The following GRM8 variants were observed in gnomAD, a reference collection of about 807,000 sequenced individuals.
GRM8 encodes the protein glutamate metabotropic receptor 8.
Under a neutral mutation model 87.2 loss-of-function variants are expected in GRM8, and 47 were observed. That is an observed-to-expected ratio of 0.54 (90% CI 0.43 to 0.69). The LOEUF (loss-of-function observed/expected upper bound fraction) is 0.69. Among genes scored for constraint, GRM8 ranks in the 30% least tolerant of loss-of-function variants. The probability of loss-of-function intolerance (pLI) is 0.00; values close to 1 mark genes in which losing one functional copy is unlikely to be tolerated. For missense variants in GRM8, 1,019 were observed against 1,139.2 expected, an observed-to-expected ratio of 0.89 and a Z score of 1.52; for synonymous variants, 396 against 404.5, an observed-to-expected ratio of 0.98 and a Z score of 0.25.
intron 7 of GRM8, among the ~76,000 whole-genome samples, chr7:126,725,894 G>A (rs1413678433): frequency 6.6e-6 from 1 of 152,118 alleles, no homozygotes; most frequent in Non-Finnish European, 1.5e-5. Flanking sequence ...GTGAACTCAA[G>A]AGCGAGAGCT....
At chr7:126,992,806 C>CGT (rs34876222) in intron 3 of GRM8, among the ~76,000 whole-genome samples, 3,208 of 147,352 alleles carry the variant, frequency 0.022, 83 homozygotes, top group East Asian at 0.1. Flanking sequence ...TCTCTCTCTC[C>CGT]GTGTGTGTGT....
At chr7:126,878,702 A>G (rs549801014) in intron 6 of GRM8, among the ~76,000 whole-genome samples, 1 of 151,886 alleles carries the variant, frequency 6.6e-6, no homozygotes, top group East Asian at 2.0e-4. Context: ...TTGTGCTTTT[A>G]GCAGAGATGG....
At chr7:126,535,508 G>C (rs905934647) in intron 8 of GRM8, among the ~76,000 whole-genome samples, 1 of 152,208 alleles carries the variant, frequency 6.6e-6, no homozygotes, top group Non-Finnish European at 1.5e-5. Flanking sequence ...CAGAGCAGGA[G>C]CAGCAGGCAG....
At position 126,927,729 on chromosome 7, in the gene GRM8, G is replaced by A. The variant is rs1586486946; in HGVS notation, c.728-23046C>T. On this transcript the variant is annotated intron_variant, in intron 3 of 10. Coordinates refer to ENST00000339582, the MANE Select transcript of GRM8 (RefSeq NM_000845.3). Reference sequence around the variant, plus strand: ...AAGTCAAGAAACAACAGATGCTGGAGAGGATGTGGAGAAATAGGAACACTT... The same window carrying A: ...AAGTCAAGAAACAACAGATGCTGGAAAGGATGTGGAGAAATAGGAACACTT... Among the ~76,000 whole-genome samples, 3 of 152,302 alleles carry A rather than the reference G, an allele frequency of 2.0e-5. 1 individual carries two copies. Among genetic ancestry groups the A allele is most frequent in the South Asian group, 4.1e-4 (2 of 4,826 alleles).
chr7:127,177,244 C>A (rs1794165208), intron 2 of GRM8, among the ~76,000 whole-genome samples: 1 of 152,130 alleles, frequency 6.6e-6, no homozygotes, highest in South Asian at 2.1e-4. Flanking sequence ...ATTTCCCTGA[C>A]AACCTGCATG....
At chr7:126,654,995 T>C (rs1208872915) in intron 7 of GRM8, among the ~76,000 whole-genome samples, 1 of 152,134 alleles carries the variant, frequency 6.6e-6, no homozygotes, top group Admixed American at 6.5e-5. Context: ...AGGAAATGTC[T>C]CTGGCAAATG....
Position 126,730,927 on chromosome 7 carries a change from T to A in GRM8, c.1357+38938A>T, listed in dbSNP as rs568725851. ...AAATTCTCTTTTCGATAAATCTGTA[T>A]AACATCTCTTTTCTCGAATATAATT... On this transcript the variant is annotated intron_variant, in intron 7 of 10. Transcript: ENST00000339582. Among the ~76,000 whole-genome samples the A allele has an allele frequency of 3.5e-4, 54 of 152,260 alleles. 1 individual carries two copies. In the South Asian group the frequency reaches 8.3e-3, roughly 23 times the overall value.
chr7:126,868,648 GT>G (rs1446443214), intron 6 of GRM8: 2 of 152,174 alleles, frequency 1.3e-5, no homozygotes, highest in African/African-American at 4.8e-5. Context: ...GAAATTTTTG[GT>G]TTCCCAGTAT....
intron 3 of GRM8, among the ~76,000 whole-genome samples, chr7:127,025,172 T>C (rs1816654900): frequency 6.6e-6 from 1 of 152,038 alleles, no homozygotes; most frequent in East Asian, 1.9e-4. Context: ...TTTTAAAATA[T>C]CCATCTCAAA....
At chr7:126,784,065 T>A (rs145073294) in intron 6 of GRM8, among the ~76,000 whole-genome samples, 421 of 152,286 alleles carry the variant, frequency 2.8e-3, no homozygotes, top group Non-Finnish European at 4.5e-3. Flanking sequence ...TCCTTCAACA[T>A]TACATATAAG....
intron 8 of GRM8, among the ~76,000 whole-genome samples, chr7:126,565,348 AAT>A (rs1562960437): frequency 6.6e-6 from 1 of 152,210 alleles, no homozygotes; most frequent in Non-Finnish European, 1.5e-5. Flanking sequence ...AAACAAATTC[AAT>A]AGAGTTAAAT....
chr7:126,525,743 C>G (rs1213942173), intron 9 of GRM8, among the ~76,000 whole-genome samples: 1 of 152,084 alleles, frequency 6.6e-6, no homozygotes, highest in Admixed American at 6.5e-5. Flanking sequence ...CTCTCATTCT[C>G]TCTCCCTCTC....
At position 126,825,509 on chromosome 7, in the gene GRM8, C is replaced by A. The variant is rs148948312; in HGVS notation, c.1157-55444G>T. ...CTCAGGGTCAAAAGCTAATAAGCGGCAGATTACCAAGATTTCTCAATTCAA... is the reference window on the plus strand; with the variant it reads ...CTCAGGGTCAAAAGCTAATAAGCGGAAGATTACCAAGATTTCTCAATTCAA... On this transcript the variant is annotated intron_variant, in intron 6 of 10. Coordinates refer to ENST00000339582, the MANE Select transcript of GRM8 (RefSeq NM_000845.3). Among the ~76,000 whole-genome samples the A allele has an allele frequency of 2.6e-3, 402 of 152,204 alleles. 2 individuals carry two copies. Among genetic ancestry groups the A allele is most frequent in the African/African-American group, 9.2e-3 (382 of 41,528 alleles).
At chr7:126,592,365 G>A (rs1001671640) in intron 8 of GRM8, among the ~76,000 whole-genome samples, 1 of 151,818 alleles carries the variant, frequency 6.6e-6, no homozygotes, top group Non-Finnish European at 1.5e-5. Context: ...GATGAACACT[G>A]ATGTAAAACA....
chr7:126,667,251 C>T (rs2151296024), intron 7 of GRM8, among the ~76,000 whole-genome samples: 1 of 152,216 alleles, frequency 6.6e-6, no homozygotes, highest in South Asian at 2.1e-4. Context: ...TACTAAGATG[C>T]TATTTGAATG....
At chr7:127,101,665 G>A (rs1183623391) in intron 3 of GRM8, among the ~76,000 whole-genome samples, 1 of 152,202 alleles carries the variant, frequency 6.6e-6, no homozygotes, top group South Asian at 2.1e-4. Flanking sequence ...ACAGCCTGCA[G>A]AACCATAAGC....
At chr7:126,796,956 T>C (rs1172449071) in intron 6 of GRM8, among the ~76,000 whole-genome samples, 1 of 152,086 alleles carries the variant, frequency 6.6e-6, no homozygotes, top group African/African-American at 2.4e-5. Flanking sequence ...TAAATAAATA[T>C]ACACGATGCC....
At chr7:126,616,393 T>A (rs909898841) in intron 7 of GRM8, among the ~76,000 whole-genome samples, 1 of 152,176 alleles carries the variant, frequency 6.6e-6, no homozygotes, top group African/African-American at 2.4e-5. Flanking sequence ...GAGGGAAATT[T>A]ATAGCACGAA....
intron 7 of GRM8, among the ~76,000 whole-genome samples, chr7:126,728,385 T>C (rs1358221839): frequency 1.3e-5 from 2 of 152,018 alleles, no homozygotes; most frequent in Non-Finnish European, 2.9e-5. Flanking sequence ...GCTGGCTGGC[T>C]CACAGCGGGA....
Sources: allele counts gnomAD v4.1 joint callset (sites outside exome capture counted in the v4.1 genomes callset), GRCh38; gene constraint gnomAD v4.1.1; transcripts MANE v1.5; gene names NCBI Gene and HGNC (gene_info 2026-07-23, HGNC 2026-07-21).